The following CACNG7 variants were observed in gnomAD, a reference collection of about 807,000 sequenced individuals.
CACNG7 encodes the protein calcium voltage-gated channel auxiliary subunit gamma 7.
CACNG7 carries 9 observed loss-of-function variants against 26.3 expected under a neutral mutation model. The ratio of observed to expected loss-of-function variants is 0.34; its 90% CI spans 0.21 to 0.60. CACNG7 has a LOEUF of 0.60. Ranked by LOEUF, CACNG7 falls within the 20% of genes least tolerant of loss-of-function variation. The probability of loss-of-function intolerance (pLI) is 0.81; values close to 1 mark genes in which losing one functional copy is unlikely to be tolerated. For missense variants in CACNG7, 297 were observed against 380.4 expected, an observed-to-expected ratio of 0.78 and a Z score of 1.82; for synonymous variants, 170 against 157.0, an observed-to-expected ratio of 1.08 and a Z score of -0.62.
intron 4 of CACNG7, among the ~76,000 whole-genome samples, chr19:53,923,502 G>GTCTGGTCATTGGTGGAGTTGCCCCAGGT (rs71189899): frequency 4.0e-5 from 3 of 75,876 alleles, no homozygotes; most frequent in African/African-American, 1.2e-4. Flanking sequence ...GTTGTCCCAG[G>GTCTGGTCATTGGTGGAGTTGCCCCAGGT]CTGGTCATTG....
intron 4 of CACNG7, among the ~76,000 whole-genome samples, chr19:53,925,230 G>T (rs141511412): frequency 7.2e-6 from 1 of 139,730 alleles, no homozygotes; most frequent in African/African-American, 3.0e-5. Flanking sequence ...GGTCATTGGC[G>T]GACTTGCCCC....
At chr19:53,934,876 T>C (rs2069095484) in intron 4 of CACNG7, among the ~76,000 whole-genome samples, 1 of 152,118 alleles carries the variant, frequency 6.6e-6, no homozygotes, top group South Asian at 2.1e-4. Flanking sequence ...ATTTTTTATT[T>C]TGGAGAAAAT....
intron 4 of CACNG7, among the ~76,000 whole-genome samples, chr19:53,932,004 G>T (rs1264082506): frequency 1.3e-5 from 2 of 151,108 alleles, no homozygotes; most frequent in East Asian, 3.9e-4. Context: ...CTCGTGATCC[G>T]CCTGCCTCAG....
chr19:53,923,093 T>A (rs74195359), intron 4 of CACNG7, among the ~76,000 whole-genome samples: 4 of 108,230 alleles, frequency 3.7e-5, no homozygotes, highest in South Asian at 3.7e-4. Flanking sequence ...GGTGGAGTTG[T>A]CCCAGGCTGG....
intron 4 of CACNG7, among the ~76,000 whole-genome samples, chr19:53,921,876 TCCCAGGCTGGTCATTGGTGGAGTTGTC>T (rs1568774837): frequency 2.4e-5 from 2 of 83,602 alleles, no homozygotes; most frequent in Non-Finnish European, 2.1e-5. Flanking sequence ...GGTGGAGTTG[TCCCAGGCTGGTCATTGGTGGAGTTGTC>T]CCCAGGTCTG....
rs757598896 is a variant in CACNG7, at chr19:53,914,504, G to A, written c.201G>A (p.Arg67=). ...GTCTGTTTCTCTTCCCCCCAGGTCG[G>A]GAGAAAGGTCGCTGTGTGGCCTCAG... ...GLWRVCFFAG[R]EKGRCVASEY... Residue 67 remains arginine, a synonymous_variant, in exon 3 of 6, where the codon CGG becomes CGA. Transcript: ENST00000391767. 3.1e-6 allele frequency: 5 copies of A among 1,614,000 alleles called. No individual in the cohort carries two copies. The South Asian group carries it at 5.5e-5, about 18-fold the overall frequency.
chr19:53,927,725 C>A (rs2069041637), intron 4 of CACNG7, among the ~76,000 whole-genome samples: 2 of 151,890 alleles, frequency 1.3e-5, no homozygotes, highest in East Asian at 3.9e-4. Context: ...GTAATCCCAG[C>A]TACTCAGGAG....
In CACNG7 at chr19:53,912,986, T is replaced by C. The variant is rs745649137; in HGVS notation, c.155T>C (p.Met52Thr). The C allele has an allele frequency of 6.2e-7, 1 of 1,613,612 alleles. No individual in the cohort carries two copies. Among genetic ancestry groups the C allele is most frequent in the Non-Finnish European group, 8.5e-7 (1 of 1,179,678 alleles). The change falls in exon 2 of 6, where the codon ATG becomes ACG. Residue 52 changes from methionine to threonine, a missense_variant. Transcript: ENST00000391767. The surrounding 1 kb of genome is among the most constrained non-coding windows in gnomAD (Gnocchi z 4.6). ...LPQNQTTEVKMALHAGLWRVC... is the reference protein window; with the variant it reads ...LPQNQTTEVKTALHAGLWRVC... ...CAGAACCAGACCACCGAGGTCAAGA[T>C]GGCCCTGCACGCCGGCCTCTGGCGA...
At chr19:53,925,153 CTTGCCCCAGGTCTGGTCATTGGTGAAG>C (rs1568778253) in intron 4 of CACNG7, among the ~76,000 whole-genome samples, 12 of 89,214 alleles carry the variant, frequency 1.3e-4, no homozygotes, top group African/African-American at 5.8e-4. Context: ...CATTGGTGGA[CTTGCCCCAGGTCTGGTCATTGGTGAAG>C]TTGCCCCAGG....
In CACNG7 at chr19:53,939,339, A is replaced by T. The variant is rs1021386297; in HGVS notation, c.425-2131A>T. Among the ~76,000 whole-genome samples, 1 of 152,240 alleles carries T rather than the reference A, an allele frequency of 6.6e-6. No homozygotes were observed. Among genetic ancestry groups the T allele is most frequent in the Non-Finnish European group, 1.5e-5 (1 of 68,034 alleles). On this transcript the variant is annotated intron_variant, in intron 4 of 5. Coordinates refer to ENST00000391767, the MANE Select transcript of CACNG7 (RefSeq NM_031896.5). The surrounding 1 kb of genome is among the most constrained non-coding windows in gnomAD (Gnocchi z 4.2). The stretch of plus-strand genomic sequence containing the variant: ...TCATATAATTCAGTGATGTTTCAGT[A>T]CATCCACAAGGTTGTGCAACCATCT...
At chr19:53,915,246 TA>T (rs2068888303) in intron 3 of CACNG7, 118 bp from the exon 4 acceptor site, 2 of 700,476 alleles carry the variant, frequency 2.9e-6, no homozygotes, top group African/African-American at 3.5e-5. Flanking sequence ...GAGGAGTCAG[TA>T]AGGAAAGGGA....
At chr19:53,916,863 T>A (rs935458312) in intron 4 of CACNG7, among the ~76,000 whole-genome samples, 1 of 150,100 alleles carries the variant, frequency 6.7e-6, no homozygotes, top group Non-Finnish European at 1.5e-5. Context: ...ACTGGCGTGA[T>A]CTCGGCCCAT....
intron 4 of CACNG7, among the ~76,000 whole-genome samples, chr19:53,924,145 G>GT (rs1329335152): frequency 3.5e-5 from 5 of 142,962 alleles, no homozygotes; most frequent in Admixed American, 6.9e-5. Context: ...TGGTGGACTT[G>GT]CCCCAGGTCT....
chr19:53,925,119 T>C (rs1483253283), intron 4 of CACNG7, among the ~76,000 whole-genome samples: 1 of 103,068 alleles, frequency 9.7e-6, no homozygotes, highest in Non-Finnish European at 1.9e-5. Context: ...GGGCTGGTCA[T>C]TGGTGGACTT....
At chr19:53,913,802 A>AAG (rs1555809705) in intron 2 of CACNG7, among the ~76,000 whole-genome samples, 20 of 150,748 alleles carry the variant, frequency 1.3e-4, no homozygotes, top group Admixed American at 9.2e-4. Flanking sequence ...AAAAAAAAAA[A>AAG]AAAAAAGAAA....
At chr19:53,941,428 G>T (rs1485195029) in intron 4 of CACNG7, 42 bp from the exon 5 acceptor site, 2 of 1,485,562 alleles carry the variant, frequency 1.3e-6, no homozygotes, top group African/African-American at 2.9e-5. Flanking sequence ...GGGAAAAGGG[G>T]CCCACTTCTA....
At chr19:53,941,771 G>A in intron 5 of CACNG7, 156 bp downstream of exon 5, 2 of 985,300 alleles carry the variant, frequency 2.0e-6, no homozygotes, top group East Asian at 2.6e-5. Flanking sequence ...CCTGGAGGAA[G>A]AGGGGTCTGA....
At chr19:53,938,357 AAAAGT>A (rs1008841478) in intron 4 of CACNG7, among the ~76,000 whole-genome samples, 26 of 152,086 alleles carry the variant, frequency 1.7e-4, no homozygotes, top group African/African-American at 6.3e-4. Flanking sequence ...CAAAAAGAAA[AAAAGT>A]AAAGAAAGTT....
At chr19:53,926,492 C>G (rs1463027976) in intron 4 of CACNG7, among the ~76,000 whole-genome samples, 1 of 152,168 alleles carries the variant, frequency 6.6e-6, no homozygotes, top group Non-Finnish European at 1.5e-5. Flanking sequence ...TCTCTGACAA[C>G]AGTACCTAGT....
Sources: gnomAD v4.1 joint callset for allele counts (sites outside exome capture counted in the v4.1 genomes callset) on GRCh38, gnomAD v4.1.1 for gene constraint, Gnocchi (gnomAD v3.1) non-coding constraint, MANE v1.5 for transcripts, NCBI Gene and HGNC (gene_info 2026-07-23, HGNC 2026-07-21) for gene names.